ADAMTS7: variants seen among roughly 807,000 people sequenced by gnomAD.
ADAMTS7 encodes the protein ADAM metallopeptidase with thrombospondin type 1 motif 7, also known as A disintegrin and metalloproteinase with thrombospondin motifs 7.
A neutral mutation model predicts 172.6 loss-of-function variants in ADAMTS7; 89 were observed. The ratio of observed to expected loss-of-function variants is 0.52; its 90% CI spans 0.43 to 0.61. ADAMTS7 has a LOEUF of 0.61. Among genes scored for constraint, ADAMTS7 ranks in the 20% least tolerant of loss-of-function variants. The pLI, the probability that ADAMTS7 is intolerant of heterozygous loss-of-function variation, is 0.00. For synonymous variants in ADAMTS7, 885 were observed against 978.4 expected (o/e 0.90, Z 1.78); for missense variants, 1,973 against 2,355.6 (o/e 0.84, Z 3.36).
chr15:78,762,389 G>A lies in ADAMTS7; in HGVS notation c.4903+14C>T. On this transcript the variant is annotated intron_variant, in intron 23 of 23. Transcript: ENST00000388820. ...ACCTCACTTCAGCAGGGAGCCTGGG[G>A]TCAGGGGACTCACGGGGAGGCTCGA... The A allele has an allele frequency of 1.4e-6, 2 of 1,435,466 alleles. No homozygotes were observed. The highest frequency in any genetic ancestry group is 1.8e-6 in the Non-Finnish European group (2 of 1,087,654). The allele number at this position is 1,435,466 out of a possible 1,614,324, so 88.9% of individuals were successfully genotyped here.
chr15:78,801,195 C>G (rs1407356351), intron 1 of ADAMTS7, among the ~76,000 whole-genome samples: 1 of 152,196 alleles, frequency 6.6e-6, no homozygotes, highest in Non-Finnish European at 1.5e-5. Flanking sequence ...TCGTCTTACT[C>G]TACTCATCGT....
chr15:78,776,073 T>C, intron 11 of ADAMTS7, 115 bp downstream of exon 11: 1 of 1,373,782 alleles, frequency 7.3e-7, no homozygotes. Context: ...GGACTGACCA[T>C]TATCAGGACA....
intron 6 of ADAMTS7, 123 bp downstream of exon 6, chr15:78,790,547 C>T (rs79808443): frequency 9.8e-5 from 131 of 1,329,960 alleles, no homozygotes; most frequent in Middle Eastern, 2.7e-4. Flanking sequence ...GCCAAAGGTG[C>T]GCAAACTCTC....
rs185580469 is a variant in ADAMTS7 at position 78,778,736 on chromosome 15, G to T, written c.1323-1148C>A. 7.9e-4 allele frequency among the ~76,000 whole-genome samples: 121 copies of T among 152,322 alleles called. 3 individuals carry two copies. The East Asian group carries it at 0.021, about 27-fold the overall frequency. ...ACCCTCCAGTTCTCCAGTCTGGGTGGCCTCAGGGCAGGTGGCGCCAGGACA... is the reference window on the plus strand; with the variant it reads ...ACCCTCCAGTTCTCCAGTCTGGGTGTCCTCAGGGCAGGTGGCGCCAGGACA... On this transcript the variant is annotated intron_variant, in intron 8 of 23. Transcript: ENST00000388820.
At chr15:78,794,637 C>A (rs974020658) in intron 4 of ADAMTS7, among the ~76,000 whole-genome samples, 26 of 152,218 alleles carry the variant, frequency 1.7e-4, no homozygotes, top group African/African-American at 5.8e-4. Context: ...AGGGGCCAGG[C>A]CCTGGGGCAA....
intron 22 of ADAMTS7, among the ~76,000 whole-genome samples, chr15:78,763,092 C>T (rs1208019673): frequency 3.3e-5 from 5 of 152,210 alleles, no homozygotes; most frequent in Admixed American, 2.0e-4. Context: ...TGCTTCGTTG[C>T]GTTCCTTCAT....
chr15:78,759,354 CG>C lies in ADAMTS7; in HGVS notation c.*66del. On this transcript the variant is annotated 3_prime_UTR_variant, in exon 24 of 24. Transcript: ENST00000388820. ...GTTAGCACCATTAGGGCGCAGGGGG[CG>C]GGAGCTCCGCCACAGCCCGTGGTGG... The C allele has an allele frequency of 6.7e-7, 1 of 1,481,512 alleles. No individual in the cohort carries two copies. 91.8% of individuals were successfully genotyped at this position (1,481,512 alleles called of 1,614,324 possible).
chr15:78,800,608 C>G (rs1483487099), intron 1 of ADAMTS7, 61 bp from the exon 2 acceptor site: 114 of 1,518,112 alleles, frequency 7.5e-5, no homozygotes, highest in Non-Finnish European at 9.4e-5. Flanking sequence ...TGCTGGTGGC[C>G]GGGGACCAGA....
chr15:78,804,576 A>AC (rs1332522800), intron 1 of ADAMTS7, among the ~76,000 whole-genome samples: 2 of 152,246 alleles, frequency 1.3e-5, no homozygotes, highest in Non-Finnish European at 2.9e-5. Context: ...CGGAAACCAA[A>AC]CTTGCCCTCC....
intron 1 of ADAMTS7, among the ~76,000 whole-genome samples, chr15:78,801,802 C>G (rs2055728802): frequency 6.6e-6 from 1 of 152,002 alleles, no homozygotes; most frequent in African/African-American, 2.4e-5. Flanking sequence ...CTCAGCCTCC[C>G]AAGTAGCTGG....
rs536715753 is a variant in ADAMTS7, at chr15:78,767,605, C to T, written c.2646-13G>A. On this transcript the variant is annotated splice_polypyrimidine_tract_variant and intron_variant, in intron 17 of 23. Transcript: ENST00000388820. ...ACCTGCCCACCACCTGGCGAGGGCA[C>T]ACAGGTGGCATCAGTGTGGCATCAG... is the stretch of plus-strand genomic sequence containing the variant. 2.3e-5 allele frequency: 35 copies of T among 1,528,862 alleles called. No individual in the cohort carries two copies. The South Asian group carries it at 2.3e-4, about 10-fold the overall frequency. The allele number at this position is 1,528,862 out of a possible 1,614,324, so 94.7% of individuals were successfully genotyped here. A position where few individuals can be genotyped will look rare whatever the true frequency, so the allele number is the denominator to read the frequency against.
At chr15:78,789,918 C>T in intron 6 of ADAMTS7, 80 bp from the exon 7 acceptor site, 1 of 1,495,368 alleles carries the variant, frequency 6.7e-7, no homozygotes, top group South Asian at 1.3e-5. Context: ...GGAAGGGTCC[C>T]CCCGAATTGA....
At chr15:78,795,789 G>A (rs745712466) in intron 4 of ADAMTS7, among the ~76,000 whole-genome samples, 6 of 152,206 alleles carry the variant, frequency 3.9e-5, no homozygotes, top group Non-Finnish European at 8.8e-5. Flanking sequence ...AAGCAGCTTG[G>A]AGCCTGAGGC....
chr15:78,763,655 C>T (rs747281992), intron 22 of ADAMTS7, 44 bp downstream of exon 22: 1 of 1,503,236 alleles, frequency 6.7e-7, no homozygotes, highest in Non-Finnish European at 8.8e-7. Flanking sequence ...TGACCAGGCG[C>T]CACCAAGCAC....
intron 4 of ADAMTS7, among the ~76,000 whole-genome samples, chr15:78,793,767 C>T (rs2055609797): frequency 6.6e-6 from 1 of 152,250 alleles, no homozygotes; most frequent in African/African-American, 2.4e-5. Flanking sequence ...GAGGGAACAT[C>T]TGTTCCCCAT....
chr15:78,767,653 A>T, intron 17 of ADAMTS7, 61 bp from the exon 18 acceptor site: 1 of 1,450,332 alleles, frequency 6.9e-7, no homozygotes, highest in Middle Eastern at 2.5e-4. Flanking sequence ...CAGGCTCACC[A>T]GCAGGGGGGG....
chr15:78,789,640 C>T (rs372481070), intron 7 of ADAMTS7, 49 bp downstream of exon 7: 63 of 1,604,560 alleles, frequency 3.9e-5, no homozygotes, highest in Non-Finnish European at 5.0e-5. Flanking sequence ...CCCCAGGCTG[C>T]GAGGGTGAAG....
chr15:78,811,442 TAGA>T lies in ADAMTS7; in HGVS notation c.-225_-223del, dbSNP rs1172678049. 4 of 370,798 alleles carry T rather than the reference TAGA, an allele frequency of 1.1e-5. No individual in the cohort carries two copies. The highest frequency in any genetic ancestry group is 4.7e-5 in the Admixed American group (1 of 21,176). The allele number at this position is 370,798 out of a possible 1,614,324, so 23.0% of individuals were successfully genotyped here. The stretch of plus-strand genomic sequence containing the variant: ...AGAGGCAAAGAAAAGACAAGAGAGC[TAGA>T]AGGAGAGAAAGAAAGAAAGAAAGAA... On this transcript the variant is annotated 5_prime_UTR_variant, in exon 1 of 24. Coordinates refer to ENST00000388820, the MANE Select transcript of ADAMTS7 (RefSeq NM_014272.5).
chr15:78,801,718 C>G (rs2055727686), intron 1 of ADAMTS7, among the ~76,000 whole-genome samples: 1 of 152,092 alleles, frequency 6.6e-6, no homozygotes, highest in Non-Finnish European at 1.5e-5. Flanking sequence ...TGCTCTGTCA[C>G]CCAGACAGGA....
Sources: allele counts gnomAD v4.1 joint callset (sites outside exome capture counted in the v4.1 genomes callset), GRCh38; gene constraint gnomAD v4.1.1; transcripts MANE v1.5; gene names NCBI Gene and HGNC (gene_info 2026-07-23, HGNC 2026-07-21).